SGMS1: variants seen among roughly 807,000 people sequenced by gnomAD.
The protein encoded by SGMS1 is sphingomyelin synthase 1.
In SGMS1, 13 loss-of-function variants were observed where a neutral mutation model predicts 46.2. The observed-to-expected ratio is 0.28, with a 90% CI of 0.18 to 0.45. SGMS1 has a LOEUF of 0.45. SGMS1 is among the 20% of genes least tolerant of loss of function. The pLI, the probability that SGMS1 is intolerant of heterozygous loss-of-function variation, is 1.00. For missense variants in SGMS1, 324 were observed against 519.9 expected (o/e 0.62, Z 3.66); for synonymous variants, 203 against 187.8 (o/e 1.08, Z -0.66).
At chr10:50,481,885 A>G (rs1460607740) in intron 3 of SGMS1, among the ~76,000 whole-genome samples, 4 of 152,240 alleles carry the variant, frequency 2.6e-5, no homozygotes, top group Non-Finnish European at 5.9e-5. Flanking sequence ...CACAACTACA[A>G]GTATCAAGAG....
chr10:50,458,021 G>C (rs1184033181), intron 5 of SGMS1, among the ~76,000 whole-genome samples: 1 of 152,174 alleles, frequency 6.6e-6, no homozygotes, highest in Non-Finnish European at 1.5e-5. Flanking sequence ...GTGGGAAATG[G>C]CATGCAGCCC....
chr10:50,360,166 G>A (rs1426486249), intron 6 of SGMS1, among the ~76,000 whole-genome samples: 3 of 152,112 alleles, frequency 2.0e-5, no homozygotes, highest in African/African-American at 7.2e-5. Flanking sequence ...GGCTTTCTGT[G>A]TATAATTATG....
intron 7 of SGMS1, among the ~76,000 whole-genome samples, chr10:50,337,724 A>C (rs1239087733): frequency 6.6e-6 from 1 of 152,160 alleles, no homozygotes; most frequent in Non-Finnish European, 1.5e-5. Flanking sequence ...CATCTGACAA[A>C]AGCAACTGCC....
At chr10:50,309,135 A>C (rs1564869918) in intron 9 of SGMS1, among the ~76,000 whole-genome samples, 1 of 152,152 alleles carries the variant, frequency 6.6e-6, no homozygotes, top group Non-Finnish European at 1.5e-5. Context: ...AAAAATAATA[A>C]AGTTGAGCTG....
At chr10:50,598,065 C>T (rs193063865) in intron 1 of SGMS1, among the ~76,000 whole-genome samples, 30 of 151,576 alleles carry the variant, frequency 2.0e-4, no homozygotes, top group African/African-American at 7.0e-4. Flanking sequence ...ACACTGAATG[C>T]TTGTGCTCCC....
At position 50,391,874 on chromosome 10, in the gene SGMS1, C is replaced by T. The variant is rs182165590; in HGVS notation, c.-232+41602G>A. Reference sequence around the variant, plus strand: ...AAAAAAAAAAGAATGAGATCATGTCCTTTGCAGCAACATGGATGGAGCTGG... The same window carrying T: ...AAAAAAAAAAGAATGAGATCATGTCTTTTGCAGCAACATGGATGGAGCTGG... On this transcript the variant is annotated intron_variant, in intron 6 of 10. Transcript: ENST00000361781. Among the ~76,000 whole-genome samples, 646 of 150,638 alleles carry T rather than the reference C, an allele frequency of 4.3e-3. 21 individuals carry two copies. Among genetic ancestry groups the T allele is most frequent in the Admixed American group, 0.041 (616 of 15,076 alleles).
At chr10:50,526,313 C>T (rs1837901164) in intron 2 of SGMS1, among the ~76,000 whole-genome samples, 1 of 152,038 alleles carries the variant, frequency 6.6e-6, no homozygotes, top group Non-Finnish European at 1.5e-5. Context: ...ACTTTTCAAA[C>T]CATCAGATGT....
chr10:50,327,758 T>A (rs1196899944), intron 7 of SGMS1, among the ~76,000 whole-genome samples: 1 of 152,218 alleles, frequency 6.6e-6, no homozygotes, highest in Admixed American at 6.5e-5. Context: ...TTTATGCCAT[T>A]TAATGAGTCA....
At chr10:50,341,653 C>G (rs1189660915) in intron 7 of SGMS1, among the ~76,000 whole-genome samples, 2 of 148,940 alleles carry the variant, frequency 1.3e-5, no homozygotes, top group African/African-American at 5.0e-5. Flanking sequence ...TAAGGATCCA[C>G]CCAAACCACT....
intron 2 of SGMS1, among the ~76,000 whole-genome samples, chr10:50,572,485 T>G (rs1838344814): frequency 6.6e-6 from 1 of 151,988 alleles, no homozygotes; most frequent in African/African-American, 2.4e-5. Context: ...TCTTCAGTTG[T>G]TATGGGAGGG....
chr10:50,485,997 T>C (rs1358080425), intron 3 of SGMS1, among the ~76,000 whole-genome samples: 1 of 151,464 alleles, frequency 6.6e-6, no homozygotes, highest in East Asian at 1.9e-4. Context: ...CAGAATAGAG[T>C]ACTTAGAAAT....
intron 7 of SGMS1, among the ~76,000 whole-genome samples, chr10:50,341,897 A>T: frequency 6.6e-6 from 1 of 152,222 alleles, no homozygotes; most frequent in East Asian, 1.9e-4. Context: ...GGTTAAGAGG[A>T]TACTTTATAA....
chr10:50,560,546 T>C (rs1283239494), intron 2 of SGMS1, among the ~76,000 whole-genome samples: 1 of 145,050 alleles, frequency 6.9e-6, no homozygotes, highest in Non-Finnish European at 1.5e-5. Context: ...ATAATATTTA[T>C]GTGTAATATA....
chr10:50,308,500 G>A (rs906984136), intron 9 of SGMS1, among the ~76,000 whole-genome samples: 7 of 152,004 alleles, frequency 4.6e-5, no homozygotes, highest in African/African-American at 1.7e-4. Flanking sequence ...CTAATTTGGG[G>A]TTGATGCTCT....
intron 2 of SGMS1, among the ~76,000 whole-genome samples, chr10:50,582,339 G>T (rs1302207185): frequency 6.6e-6 from 1 of 152,158 alleles, no homozygotes; most frequent in Non-Finnish European, 1.5e-5. Context: ...AAGTCATTTG[G>T]ATAATTTCCC....
chr10:50,497,188 G>A (rs189963849), intron 3 of SGMS1, among the ~76,000 whole-genome samples: 13 of 152,272 alleles, frequency 8.5e-5, no homozygotes, highest in African/African-American at 2.9e-4. Context: ...CCACAATAGG[G>A]TAGCCTTGAC....
chr10:50,360,596 T>C (rs891585343), intron 6 of SGMS1, among the ~76,000 whole-genome samples: 1 of 152,204 alleles, frequency 6.6e-6, no homozygotes, highest in Non-Finnish European at 1.5e-5. Flanking sequence ...ATTTTAATAT[T>C]TGCCTAGTTA....
intron 7 of SGMS1, among the ~76,000 whole-genome samples, chr10:50,334,385 G>A (rs1847679196): frequency 6.6e-6 from 1 of 152,144 alleles, no homozygotes; most frequent in Non-Finnish European, 1.5e-5. Flanking sequence ...GCATACATGT[G>A]TGTTTGTGTG....
At chr10:50,335,553 T>C (rs1444934131) in intron 7 of SGMS1, 1 of 152,232 alleles carries the variant, frequency 6.6e-6, no homozygotes. Flanking sequence ...TCAAGAATGA[T>C]CTTCCAGTGT....
Sources: allele counts gnomAD v4.1 joint callset (sites outside exome capture counted in the v4.1 genomes callset), GRCh38; gene constraint gnomAD v4.1.1; transcripts MANE v1.5; gene names NCBI Gene and HGNC (gene_info 2026-07-23, HGNC 2026-07-21).